EPHB1: variants seen among roughly 807,000 people sequenced by gnomAD.
EPHB1 encodes ephrin type-B receptor 1.
EPHB1 carries 30 observed loss-of-function variants against 94.4 expected under a neutral mutation model. The observed-to-expected ratio is 0.32, with a 90% CI of 0.24 to 0.43. The LOEUF (loss-of-function observed/expected upper bound fraction) is 0.43. EPHB1 is among the 20% of genes least tolerant of loss of function. The pLI is 1.00. For missense variants in EPHB1, 1,055 were observed against 1,308.3 expected (o/e 0.81, Z 2.99); for synonymous variants, 522 against 489.1 (o/e 1.07, Z -0.89).
intron 3 of EPHB1, among the ~76,000 whole-genome samples, chr3:135,091,175 G>A (rs1207555340): frequency 6.6e-6 from 1 of 152,196 alleles, no homozygotes; most frequent in Non-Finnish European, 1.5e-5. Flanking sequence ...CTGTGCAGTG[G>A]GACCAACTAC....
At chr3:135,025,219 T>C (rs1245361167) in intron 3 of EPHB1, among the ~76,000 whole-genome samples, 1 of 132,746 alleles carries the variant, frequency 7.5e-6, no homozygotes, top group Admixed American at 8.6e-5. Context: ...ATTTATTTAT[T>C]TATTATTATA....
At chr3:135,043,953 T>C (rs1434747049) in intron 3 of EPHB1, among the ~76,000 whole-genome samples, 2 of 152,208 alleles carry the variant, frequency 1.3e-5, no homozygotes, top group African/African-American at 4.8e-5. Context: ...ACTCCACTCT[T>C]TGCAGGTCTG....
chr3:135,154,333 A>C lies in EPHB1; in HGVS notation c.1422+57A>C. The C allele has an allele frequency of 2.5e-6, 4 of 1,607,480 alleles. No individual in the cohort carries two copies. In the South Asian group the frequency reaches 4.4e-5, roughly 18 times the overall value. On this transcript the variant is annotated intron_variant, in intron 6 of 15. Coordinates refer to ENST00000398015, the MANE Select transcript of EPHB1 (RefSeq NM_004441.5). ...CCCAAGGCCAGCCACTGTTCCATGG[A>C]TGGTTGCTAGCTGAAGGCACAAAGG...
intron 3 of EPHB1, among the ~76,000 whole-genome samples, chr3:135,037,096 G>A (rs1936669513): frequency 6.6e-6 from 1 of 152,128 alleles, no homozygotes; most frequent in Non-Finnish European, 1.5e-5. Flanking sequence ...CCTCATCCCA[G>A]GCCCAGTAAT....
At chr3:135,167,047 C>T (rs753224070) in intron 9 of EPHB1, 41 bp downstream of exon 9, 3 of 1,605,122 alleles carry the variant, frequency 1.9e-6, no homozygotes, top group Non-Finnish European at 2.6e-6. Context: ...CCCCCACAGG[C>T]CACTGAGTCA....
intron 15 of EPHB1, among the ~76,000 whole-genome samples, chr3:135,252,338 T>G (rs1178464329): frequency 1.4e-5 from 2 of 148,046 alleles, no homozygotes; most frequent in Non-Finnish European, 3.0e-5. Context: ...TAGCATAAGG[T>G]ATATCTCCCA....
intron 1 of EPHB1, among the ~76,000 whole-genome samples, chr3:134,886,145 C>G (rs2037857239): frequency 6.6e-6 from 1 of 152,160 alleles, no homozygotes; most frequent in Non-Finnish European, 1.5e-5. Context: ...TCAGCAGAAG[C>G]AGGAGGATGT....
chr3:134,838,260 G>A (rs1474740035), intron 1 of EPHB1, among the ~76,000 whole-genome samples: 2 of 152,188 alleles, frequency 1.3e-5, no homozygotes, highest in South Asian at 2.1e-4. Context: ...AGGTCATGGG[G>A]GCCCTAAGAG....
rs572240112 is a variant in EPHB1, at chr3:134,824,027, T to C, written c.58+28338T>C. 1.1e-4 allele frequency: 17 copies of C among 152,314 alleles called. No homozygotes were observed. The South Asian group carries it at 3.5e-3, about 32-fold the overall frequency. The allele number at this position is 152,314 out of a possible 1,614,324, so 9.4% of individuals were successfully genotyped here. ...ACATTTGGAACAAATACATGGGTTT[T>C]ATGAACCATGAATGCTTCAGCTTGC... On this transcript the variant is annotated intron_variant, in intron 1 of 15. Transcript: ENST00000398015.
chr3:135,008,203 G>A (rs905261735), intron 3 of EPHB1, among the ~76,000 whole-genome samples: 1 of 152,208 alleles, frequency 6.6e-6, no homozygotes, highest in African/African-American at 2.4e-5. Flanking sequence ...GTTGCATTCA[G>A]ACACGTAGAT....
chr3:134,925,785 T>G, intron 1 of EPHB1, 31 bp from the exon 2 acceptor site: 1 of 1,546,456 alleles, frequency 6.5e-7, no homozygotes, highest in East Asian at 2.4e-5. Context: ...TCATTGTTTT[T>G]GTTTATTCGT....
chr3:135,112,591 C>T (rs1244257781), intron 4 of EPHB1, among the ~76,000 whole-genome samples: 1 of 138,640 alleles, frequency 7.2e-6, no homozygotes, highest in Non-Finnish European at 1.5e-5. Flanking sequence ...TTCCTGTGTC[C>T]ATGTGTTCTC....
In EPHB1 at chr3:135,019,367, G is replaced by T. The variant is rs578132101; in HGVS notation, c.805+67315G>T. ...CCAGGACTCTGGGGGCCAAAGGGGA[G>T]TCATGTGTGTGCAAAGCAGACATAA... On this transcript the variant is annotated intron_variant, in intron 3 of 15. Transcript: ENST00000398015. Among the ~76,000 whole-genome samples the T allele has an allele frequency of 1.6e-4, 24 of 152,318 alleles. No homozygotes were observed. In the South Asian group the frequency reaches 5.0e-3, roughly 32 times the overall value.
chr3:134,903,314 G>A (rs2038243791), intron 1 of EPHB1, among the ~76,000 whole-genome samples: 1 of 152,192 alleles, frequency 6.6e-6, no homozygotes, highest in African/African-American at 2.4e-5. Flanking sequence ...GGCATCCCCT[G>A]AAGCTTTAGG....
chr3:134,856,672 G>T (rs2037127281), intron 1 of EPHB1, among the ~76,000 whole-genome samples: 1 of 152,142 alleles, frequency 6.6e-6, no homozygotes. Context: ...GATGTAAAAT[G>T]CACCCTTGTT....
intron 4 of EPHB1, among the ~76,000 whole-genome samples, chr3:135,122,159 A>T (rs1576405050): frequency 6.6e-6 from 1 of 152,126 alleles, no homozygotes; most frequent in East Asian, 1.9e-4. Flanking sequence ...TCATAAACCC[A>T]CATACACAGC....
chr3:135,175,551 T>G (rs1293480905), intron 9 of EPHB1, among the ~76,000 whole-genome samples: 1 of 152,192 alleles, frequency 6.6e-6, no homozygotes, highest in Non-Finnish European at 1.5e-5. Context: ...GAACATAAAA[T>G]TAAAGATTTT....
intron 3 of EPHB1, among the ~76,000 whole-genome samples, chr3:135,090,585 C>A (rs893751770): frequency 8.5e-5 from 13 of 152,230 alleles, no homozygotes; most frequent in African/African-American, 2.4e-4. Context: ...AACAAACCCC[C>A]CTGGCAACAT....
intron 4 of EPHB1, among the ~76,000 whole-genome samples, chr3:135,124,620 G>A (rs549711102): frequency 6.6e-5 from 10 of 151,826 alleles, no homozygotes; most frequent in African/African-American, 2.4e-4. Flanking sequence ...AATATGCTGA[G>A]GCTTAGATAG....
Sources: allele counts gnomAD v4.1 joint callset (sites outside exome capture counted in the v4.1 genomes callset), GRCh38; gene constraint gnomAD v4.1.1; transcripts MANE v1.5; gene names NCBI Gene and HGNC (gene_info 2026-07-23, HGNC 2026-07-21).